The following UBAC1 variants were observed in gnomAD, a reference collection of about 807,000 sequenced individuals.
UBAC1 encodes the protein UBA domain containing 1.
UBAC1 carries 27 observed loss-of-function variants against 45.9 expected under a neutral mutation model. That is an observed-to-expected ratio of 0.59 (90% confidence interval 0.43 to 0.81). The LOEUF (loss-of-function observed/expected upper bound fraction) is 0.81. Among genes scored for constraint, UBAC1 ranks in the 30% least tolerant of loss-of-function variants. The pLI, the probability that UBAC1 is intolerant of heterozygous loss-of-function variation, is 0.00. For synonymous variants in UBAC1, 227 were observed against 215.5 expected (o/e 1.05, Z -0.47); for missense variants, 529 against 539.2 (o/e 0.98, Z 0.19).
chr9:135,961,060 AGGTGTCCTCGGT>A lies in UBAC1; in HGVS notation c.91_102del (p.Thr31_Thr34del), dbSNP rs1157751864. The A allele has an allele frequency of 6.3e-7, 1 of 1,579,892 alleles. No individual in the cohort carries two copies. Among genetic ancestry groups the A allele is most frequent in the East Asian group, 2.4e-5 (1 of 41,112 alleles). On this transcript the variant is annotated inframe_deletion, in exon 1 of 10. Transcript: ENST00000371756. Reference sequence around the variant, plus strand: ...CAGCGCTCCTTGAGCTTCTCCACCGAGGTGTCCTCGGTGGCCTCCTCCAGCCACTCGGCGCCG... The same window carrying A: ...CAGCGCTCCTTGAGCTTCTCCACCGAGGCCTCCTCCAGCCACTCGGCGCCG...
At chr9:135,948,192 G>C in intron 3 of UBAC1, 1 of 362,206 alleles carries the variant, frequency 2.8e-6, no homozygotes, top group Non-Finnish European at 5.0e-6. Context: ...ACCGTGGCAG[G>C]GCTGGGGCAA....
At chr9:135,944,693 G>T (rs1014565431) in intron 7 of UBAC1, among the ~76,000 whole-genome samples, 1 of 152,234 alleles carries the variant, frequency 6.6e-6, no homozygotes, top group Non-Finnish European at 1.5e-5. Context: ...CGAACAGGGG[G>T]GGCTTGTGGA....
chr9:135,947,677 C>T (rs908086930), intron 4 of UBAC1, 121 bp downstream of exon 4: 79 of 753,336 alleles, frequency 1.0e-4, no homozygotes, highest in African/African-American at 9.8e-4. Context: ...ACCCGCTCAC[C>T]GGCTTCCCCA....
chr9:135,934,101 C>T (rs965081591), intron 9 of UBAC1, among the ~76,000 whole-genome samples: 17 of 152,212 alleles, frequency 1.1e-4, no homozygotes, highest in African/African-American at 3.1e-4. Context: ...TGAAGGAGCA[C>T]GCGTTCTGCC....
In UBAC1 at chr9:135,961,360, G is replaced by A. The variant is rs1162724191; in HGVS notation, c.-198C>T. 1.7e-4 allele frequency: 35 copies of A among 209,284 alleles called. 1 individual carries two copies. Among genetic ancestry groups the A allele is most frequent in the South Asian group, 5.0e-4 (3 of 6,038 alleles). 13.0% of individuals were successfully genotyped at this position (209,284 alleles called of 1,614,324 possible). A position where few individuals can be genotyped will look rare whatever the true frequency, so the allele number is the denominator to read the frequency against. On this transcript the variant is annotated 5_prime_UTR_variant, in exon 1 of 10. Transcript: ENST00000371756. Reference sequence around the variant, plus strand: ...CCTCGCTCCCGCCGCCGCAGCAGCCGCCGGGGGCGCGCCGTCGCGGCCGCA... The same window carrying A: ...CCTCGCTCCCGCCGCCGCAGCAGCCACCGGGGGCGCGCCGTCGCGGCCGCA...
At chr9:135,949,920 C>G (rs1839387406) in intron 3 of UBAC1, among the ~76,000 whole-genome samples, 1 of 152,198 alleles carries the variant, frequency 6.6e-6, no homozygotes, top group African/African-American at 2.4e-5. Flanking sequence ...AAGAGAGATT[C>G]AACACTTCAG....
chr9:135,949,624 G>A (rs1839382353), intron 3 of UBAC1, among the ~76,000 whole-genome samples: 1 of 152,236 alleles, frequency 6.6e-6, no homozygotes, highest in Non-Finnish European at 1.5e-5. Flanking sequence ...GAGGCCTCCA[G>A]ACAGTTTCCC....
chr9:135,958,842 T>C (rs889309151), intron 1 of UBAC1, among the ~76,000 whole-genome samples: 1 of 152,244 alleles, frequency 6.6e-6, no homozygotes, highest in African/African-American at 2.4e-5. Context: ...CTGAAATGTA[T>C]GTCGGCTCTT....
chr9:135,946,469 G>T, intron 4 of UBAC1, 98 bp from the exon 5 acceptor site: 1 of 793,464 alleles, frequency 1.3e-6, no homozygotes. Context: ...GATTCTGAGA[G>T]TTGAGATGAC....
At chr9:135,958,401 G>A (rs1839493191) in intron 1 of UBAC1, among the ~76,000 whole-genome samples, 2 of 152,050 alleles carry the variant, frequency 1.3e-5, no homozygotes, top group African/African-American at 4.8e-5. Context: ...AGGTTCCTCT[G>A]CCCCCTTCTC....
intron 3 of UBAC1, among the ~76,000 whole-genome samples, chr9:135,949,672 AG>A (rs1839383098): frequency 6.6e-6 from 1 of 152,188 alleles, no homozygotes; most frequent in Non-Finnish European, 1.5e-5. Flanking sequence ...CACCAGACCA[AG>A]GGACAGATCG....
chr9:135,952,903 G>A (rs117235396), intron 3 of UBAC1, among the ~76,000 whole-genome samples: 1,712 of 152,336 alleles, frequency 0.011, 37 homozygotes, highest in Admixed American at 0.051. Context: ...GAGGCTGTGC[G>A]GTGTGAGGTG....
rs1839166484 is a variant in UBAC1 at position 135,933,340 on chromosome 9, C to G, written c.*60G>C. The G allele has an allele frequency of 1.4e-6, 2 of 1,460,154 alleles. No individual in the cohort carries two copies. The highest frequency in any genetic ancestry group is 2.3e-5 in the South Asian group (2 of 87,450). 90.4% of individuals were successfully genotyped at this position (1,460,154 alleles called of 1,614,324 possible). A position where few individuals can be genotyped will look rare whatever the true frequency, so the allele number is the denominator to read the frequency against. On this transcript the variant is annotated 3_prime_UTR_variant, in exon 10 of 10. Coordinates refer to ENST00000371756, the MANE Select transcript of UBAC1 (RefSeq NM_016172.3). ...AGTTTCCAGGTGAGGTCCACTCTGC[C>G]CGGTCTCGGGCCGCACCAGGGGGCT...
rs1307574149 is a variant in UBAC1, at chr9:135,961,281, C to T, written c.-119G>A. ...GCGCTCCTTCGCTGGGCCGCCGCCCCGCCCCGGCTCCCGTCGGCCGGGCCG... is the reference window on the plus strand; with the variant it reads ...GCGCTCCTTCGCTGGGCCGCCGCCCTGCCCCGGCTCCCGTCGGCCGGGCCG... On this transcript the variant is annotated 5_prime_UTR_variant, in exon 1 of 10. Transcript: ENST00000371756. The T allele has an allele frequency of 1.1e-6, 1 of 912,058 alleles. No homozygotes were observed. Among genetic ancestry groups the T allele is most frequent in the Non-Finnish European group, 1.4e-6 (1 of 735,046 alleles). 56.5% of individuals were successfully genotyped at this position (912,058 alleles called of 1,614,324 possible).
At chr9:135,958,931 T>C (rs1026585525) in intron 1 of UBAC1, among the ~76,000 whole-genome samples, 1 of 152,172 alleles carries the variant, frequency 6.6e-6, no homozygotes, top group African/African-American at 2.4e-5. Context: ...CAATTTAAAG[T>C]AGAATAATGA....
chr9:135,956,582 GACAGCACAGCACAGCACACCACCGC>G (rs1286500403), intron 1 of UBAC1, among the ~76,000 whole-genome samples: 4 of 151,890 alleles, frequency 2.6e-5, no homozygotes, highest in East Asian at 1.9e-4. Context: ...CCCGACACAC[GACAGCACAGCACAGCACACCACCGC>G]ACAGCACAGC....
At chr9:135,950,525 G>A (rs1839394969) in intron 3 of UBAC1, among the ~76,000 whole-genome samples, 1 of 152,148 alleles carries the variant, frequency 6.6e-6, no homozygotes, top group African/African-American at 2.4e-5. Context: ...AAAAGGAAGA[G>A]GCAAATATTA....
chr9:135,933,537 C>G lies in UBAC1; in HGVS notation c.1103-22G>C, dbSNP rs746152739. 3.8e-6 allele frequency: 6 copies of G among 1,586,660 alleles called. No homozygotes were observed. The Admixed American group carries it at 8.3e-5, about 22-fold the overall frequency. On this transcript the variant is annotated intron_variant, in intron 9 of 9. Coordinates refer to ENST00000371756, the MANE Select transcript of UBAC1 (RefSeq NM_016172.3). ...AATGCTGCAGGGAAAACAGAGCCAG[C>G]CTGAGTGCCCACGCCCCCACTCAGC... is the stretch of plus-strand genomic sequence containing the variant.
intron 1 of UBAC1, among the ~76,000 whole-genome samples, chr9:135,955,824 G>A (rs1839460176): frequency 3.3e-5 from 5 of 152,184 alleles, no homozygotes; most frequent in Admixed American, 2.6e-4. Context: ...CATGAAAGGG[G>A]CCAGAAAGGC....
Sources: gnomAD v4.1 joint callset for allele counts (sites outside exome capture counted in the v4.1 genomes callset) on GRCh38, gnomAD v4.1.1 for gene constraint, MANE v1.5 for transcripts, NCBI Gene and HGNC (gene_info 2026-07-23, HGNC 2026-07-21) for gene names.